The following GNB1 variants were observed in gnomAD, a reference collection of about 807,000 sequenced individuals.
GNB1 encodes G protein subunit beta 1.
Under a neutral mutation model 42.9 loss-of-function variants are expected in GNB1, and 2 were observed. The observed-to-expected ratio is 0.05, with a 90% CI of 0.02 to 0.15. GNB1 has a LOEUF of 0.15. Ranked by LOEUF, GNB1 falls within the 10% of genes least tolerant of loss-of-function variation. The pLI, the probability that GNB1 is intolerant of heterozygous loss-of-function variation, is 1.00. For missense variants in GNB1, 193 were observed against 462.2 expected, an observed-to-expected ratio of 0.42 and a Z score of 5.34; for synonymous variants, 183 against 174.7, an observed-to-expected ratio of 1.05 and a Z score of -0.38.
intron 1 of GNB1, among the ~76,000 whole-genome samples, chr1:1,845,930 C>A (rs1230566338): frequency 6.6e-6 from 1 of 151,508 alleles, no homozygotes; most frequent in Non-Finnish European, 1.5e-5. Flanking sequence ...TCTCCACACA[C>A]AAAGCCCAAA....
At chr1:1,868,664 T>C (rs929314659) in intron 1 of GNB1, among the ~76,000 whole-genome samples, 1 of 151,442 alleles carries the variant, frequency 6.6e-6, no homozygotes, top group East Asian at 2.0e-4. Context: ...GCACCTGTAA[T>C]CCCAGTTACT....
At position 1,787,220 on chromosome 1, in the gene GNB1, T is replaced by G; in HGVS notation, c.*9+102A>C. The G allele has an allele frequency of 1.4e-6, 1 of 710,266 alleles. No individual in the cohort carries two copies. The highest frequency in any genetic ancestry group is 2.5e-6 in the Non-Finnish European group (1 of 404,124). The allele number at this position is 710,266 out of a possible 1,614,324, so 44.0% of individuals were successfully genotyped here. A position where few individuals can be genotyped will look rare whatever the true frequency, so the allele number is the denominator to read the frequency against. On this transcript the variant is annotated intron_variant, in intron 11 of 11. Transcript: ENST00000378609. The surrounding 1 kb of genome is among the most constrained non-coding windows in gnomAD (Gnocchi z 4.4). ...CCACAACACAATTCCAAATCAATGC[T>G]ACATCAACATTTATCTAGAAACCGT... is the stretch of plus-strand genomic sequence containing the variant.
chr1:1,829,307 C>T (rs1433024113), intron 2 of GNB1, among the ~76,000 whole-genome samples: 4 of 152,188 alleles, frequency 2.6e-5, no homozygotes, highest in South Asian at 4.1e-4. Context: ...CCGCCCGCCT[C>T]GGCCTCCCAA....
At chr1:1,862,188 C>T (rs1397716695) in intron 1 of GNB1, among the ~76,000 whole-genome samples, 1 of 152,214 alleles carries the variant, frequency 6.6e-6, no homozygotes, top group African/African-American at 2.4e-5. Flanking sequence ...CGCCACTGCA[C>T]TCCGCCTGGG....
chr1:1,786,038 A>C lies in GNB1; in HGVS notation c.*1025T>G, dbSNP rs540987144. ...AGCATGCGATTCTAAGAGTAAACCC[A>C]CCCAATATGGCAAACAATCAAAATT... On this transcript the variant is annotated 3_prime_UTR_variant, in exon 12 of 12. Coordinates refer to ENST00000378609, the MANE Select transcript of GNB1 (RefSeq NM_002074.5). 6 of 398,450 alleles carry C rather than the reference A, an allele frequency of 1.5e-5. No homozygotes were observed. Among genetic ancestry groups the C allele is most frequent in the Non-Finnish European group, 2.7e-5 (6 of 226,018 alleles). The allele number at this position is 398,450 out of a possible 1,614,324, so 24.7% of individuals were successfully genotyped here.
intron 1 of GNB1, among the ~76,000 whole-genome samples, chr1:1,855,661 G>A (rs930694235): frequency 4.0e-5 from 6 of 149,948 alleles, no homozygotes; most frequent in Non-Finnish European, 7.4e-5. Context: ...AGCCGAGATC[G>A]CGCCACTGCA....
chr1:1,870,158 G>A (rs1019785150), intron 1 of GNB1, among the ~76,000 whole-genome samples: 2 of 152,088 alleles, frequency 1.3e-5, no homozygotes, highest in African/African-American at 4.8e-5. Flanking sequence ...ACCGCACCAG[G>A]CCCAAAGACA....
intron 3 of GNB1, among the ~76,000 whole-genome samples, chr1:1,822,654 G>C (rs996608725): frequency 6.6e-6 from 1 of 152,114 alleles, no homozygotes. Flanking sequence ...AGCATGTGGG[G>C]AATGTCACGT....
chr1:1,855,459 T>C (rs1250090198), intron 1 of GNB1, among the ~76,000 whole-genome samples: 3 of 152,042 alleles, frequency 2.0e-5, no homozygotes, highest in Non-Finnish European at 4.4e-5. Flanking sequence ...CCCAGCACTT[T>C]GGGAGGCCGA....
chr1:1,822,300 CTTTT>C (rs33922220), intron 3 of GNB1, among the ~76,000 whole-genome samples: 1 of 97,736 alleles, frequency 1.0e-5, no homozygotes, highest in African/African-American at 3.2e-5. Context: ...TCTCTTTTTA[CTTTT>C]TTTTTTTTTT....
intron 7 of GNB1, chr1:1,793,542 T>G (rs1646508343): frequency 2.6e-6 from 1 of 388,494 alleles, no homozygotes; most frequent in East Asian, 4.0e-5. Context: ...GACCCACAGC[T>G]CCGTGATGGG....
At chr1:1,830,799 G>A (rs116526402) in intron 2 of GNB1, among the ~76,000 whole-genome samples, 2,600 of 151,974 alleles carry the variant, frequency 0.017, 85 homozygotes, top group African/African-American at 0.059. Context: ...CTCCTGCCAA[G>A]GCCTCCCAAA....
chr1:1,792,678 CAG>C (rs1043759824), intron 8 of GNB1, among the ~76,000 whole-genome samples: 4 of 123,428 alleles, frequency 3.2e-5, no homozygotes, highest in Admixed American at 2.9e-4. Context: ...AGCCTGGAGA[CAG>C]AGAGAGACTC....
intron 1 of GNB1, among the ~76,000 whole-genome samples, chr1:1,874,418 G>C (rs1649418437): frequency 6.6e-6 from 1 of 151,914 alleles, no homozygotes; most frequent in Admixed American, 6.6e-5. Flanking sequence ...AGACCAGCCT[G>C]GGCAACACGG....
chr1:1,862,494 T>G, intron 1 of GNB1, among the ~76,000 whole-genome samples: 1 of 150,820 alleles, frequency 6.6e-6, no homozygotes, highest in Admixed American at 6.6e-5. Context: ...TGAGACAGGG[T>G]CTCGTTCAGT....
chr1:1,833,039 C>G (rs1647097844), intron 2 of GNB1, among the ~76,000 whole-genome samples: 1 of 152,170 alleles, frequency 6.6e-6, no homozygotes. Context: ...AAAGTGCACA[C>G]ATGTGGTCCC....
At chr1:1,885,551 C>CTTTTT (rs60651257) in intron 1 of GNB1, among the ~76,000 whole-genome samples, 2 of 94,076 alleles carry the variant, frequency 2.1e-5, no homozygotes, top group Admixed American at 1.4e-4. Flanking sequence ...TCCACTTAAT[C>CTTTTT]TTTTTTTTTT....
At chr1:1,797,253 T>C (rs1460858216) in intron 7 of GNB1, among the ~76,000 whole-genome samples, 1 of 152,216 alleles carries the variant, frequency 6.6e-6, no homozygotes, top group East Asian at 1.9e-4. Context: ...TGTCTCACAA[T>C]AGGAACAAAT....
intron 1 of GNB1, among the ~76,000 whole-genome samples, chr1:1,865,902 G>A (rs866440496): frequency 1.1e-4 from 17 of 151,122 alleles, no homozygotes; most frequent in Admixed American, 1.1e-3. Flanking sequence ...TTTTTTGGTT[G>A]TTGTTTTTTG....
Sources: allele counts gnomAD v4.1 joint callset (sites outside exome capture counted in the v4.1 genomes callset), GRCh38; gene constraint gnomAD v4.1.1; non-coding constraint Gnocchi (gnomAD v3.1); transcripts MANE v1.5; gene names NCBI Gene and HGNC (gene_info 2026-07-23, HGNC 2026-07-21).